Variants in RP1L1 observed in about 807,000 individuals in gnomAD.
The protein encoded by RP1L1 is RP1 like 1, also known as retinitis pigmentosa 1-like 1 protein.
In RP1L1, 27 loss-of-function variants were observed where a neutral mutation model predicts 15.7. That is an observed-to-expected ratio of 1.72 (90% confidence interval 1.27 to 2.38). The LOEUF (loss-of-function observed/expected upper bound fraction) is 2.38, where lower values mean the gene tolerates loss of function less well. Among genes scored for constraint, RP1L1 ranks in the 30% most tolerant of loss-of-function variants. The pLI, the probability that RP1L1 is intolerant of heterozygous loss-of-function variation, is 0.00. For synonymous variants in RP1L1, 1,813 were observed against 1,276.7 expected (o/e 1.42, Z -8.96); for missense variants, 4,798 against 3,075.9 (o/e 1.56, Z -13.24).
intron 3 of RP1L1, 81 bp from the exon 4 acceptor site, chr8:10,613,427 G>C (rs1797913980): frequency 1.3e-6 from 2 of 1,569,472 alleles, no homozygotes; most frequent in Non-Finnish European, 1.7e-6. Context: ...GAATAAAACA[G>C]TCACGAGCCT....
intron 1 of RP1L1, among the ~76,000 whole-genome samples, chr8:10,650,446 T>C (rs1207291257): frequency 6.6e-6 from 1 of 152,144 alleles, no homozygotes; most frequent in Non-Finnish European, 1.5e-5. Flanking sequence ...TCCACATCTA[T>C]GATAATGAGC....
Position 10,609,573 on chromosome 8 carries a change from T to C in RP1L1, c.4525A>G (p.Ser1509Gly). Residue 1509 changes from serine (S) to glycine (G), a missense_variant, in exon 4 of 4, where the codon AGC becomes GGC. Transcript: ENST00000382483. ...ATGGGGTCGCAGTCCAGAGCCGCGC[T>C]GCAGGCCACCGAAGAGCTCCTCTCT... ...AAERSSSVAC[S>G]AALDCDPIWV... The C allele has an allele frequency of 6.2e-7, 1 of 1,603,838 alleles. No individual in the cohort carries two copies. The highest frequency in any genetic ancestry group is 1.3e-5 in the African/African-American group (1 of 74,996).
chr8:10,620,056 GA>G (rs914330113), intron 2 of RP1L1, among the ~76,000 whole-genome samples: 19 of 151,200 alleles, frequency 1.3e-4, no homozygotes, highest in African/African-American at 3.9e-4. Context: ...AATGGCAACT[GA>G]AACATAGTGC....
chr8:10,617,185 C>A (rs1193189716), intron 2 of RP1L1, among the ~76,000 whole-genome samples: 1 of 152,022 alleles, frequency 6.6e-6, no homozygotes, highest in Non-Finnish European at 1.5e-5. Context: ...GTCCCCTATG[C>A]ACTCCTGGGC....
At chr8:10,638,324 A>G (rs764784839) in intron 1 of RP1L1, among the ~76,000 whole-genome samples, 1 of 152,202 alleles carries the variant, frequency 6.6e-6, no homozygotes, top group Non-Finnish European at 1.5e-5. Flanking sequence ...TAAAAGTACA[A>G]ACGGAAGCAT....
rs777915917 is a variant in RP1L1 at position 10,610,781 on chromosome 8, G to T, written c.3317C>A (p.Pro1106His). The change falls in exon 4 of 4, where the codon CCC (proline) becomes CAC (histidine). Residue 1106 changes from proline to histidine, a missense_variant. Physicochemically the swap from Pro to His is moderately conservative, Grantham distance 77. Coordinates refer to ENST00000382483, the MANE Select transcript of RP1L1 (RefSeq NM_178857.6). ...RPSSVPEVSRPMARRLSCSAG... is the reference protein window; with the variant it reads ...RPSSVPEVSRHMARRLSCSAG... Reference sequence around the variant, plus strand: ...TGAGCAGCTGAGCCTCCTGGCCATGGGCCTAGACACTTCGGGCACGCTGCT... The same window carrying T: ...TGAGCAGCTGAGCCTCCTGGCCATGTGCCTAGACACTTCGGGCACGCTGCT... 4 of 1,612,566 alleles carry T rather than the reference G, an allele frequency of 2.5e-6. No individual in the cohort carries two copies. Among genetic ancestry groups the T allele is most frequent in the Non-Finnish European group, 3.4e-6 (4 of 1,179,442 alleles).
In RP1L1 at chr8:10,613,252, G is replaced by A. The variant is rs747729751; in HGVS notation, c.846C>T (p.Asn282=). ...TGCCAGGAGCAGGGCCCACCGGGGG[G>A]TTGCTAGGACCAGGCCTTTCTGGCA... ...PRLPERPGPS[N]PPVGPAPGRH... Residue 282 remains asparagine, a synonymous_variant, in exon 4 of 4, where the codon AAC becomes AAT. Coordinates refer to ENST00000382483, the MANE Select transcript of RP1L1 (RefSeq NM_178857.6). The A allele has an allele frequency of 2.5e-5, 40 of 1,611,326 alleles. No individual in the cohort carries two copies. Among genetic ancestry groups the A allele is most frequent in the Non-Finnish European group, 3.2e-5 (38 of 1,180,022 alleles).
chr8:10,636,410 C>G (rs1239869579), intron 1 of RP1L1, among the ~76,000 whole-genome samples: 1 of 152,222 alleles, frequency 6.6e-6, no homozygotes, highest in Non-Finnish European at 1.5e-5. Context: ...ATCAACCTCT[C>G]TGAGCCAGTC....
rs768294537 is a variant in RP1L1, at chr8:10,611,958, G to A, written c.2140C>T (p.Gln714Ter). ...GGAGGTCTCAGGTTCCCAGAGGCCT[G>A]TGTCCTGGTGCTCGATGAGCTTCCA... Reference protein sequence around the residue: ...YSGSSSSTRTQASGNLRPPSS... With the variant: ...YSGSSSSTRT The change falls in exon 4 of 4, where the codon CAG (glutamine) becomes TAG (stop). Residue 714 changes from glutamine (Q) to a stop codon, truncating the protein, a stop_gained. Coordinates refer to ENST00000382483, the MANE Select transcript of RP1L1 (RefSeq NM_178857.6). LOFTEE classifies it low-confidence loss of function (END_TRUNC). 8 of 1,613,776 alleles carry A rather than the reference G, an allele frequency of 5.0e-6. No homozygotes were observed. Among genetic ancestry groups the A allele is most frequent in the Admixed American group, 1.7e-5 (1 of 60,016 alleles).
intron 1 of RP1L1, among the ~76,000 whole-genome samples, chr8:10,630,004 T>G (rs1047473542): frequency 2.6e-5 from 4 of 152,218 alleles, no homozygotes; most frequent in African/African-American, 9.7e-5. Flanking sequence ...CTGTTTTGCC[T>G]TTAACATGCC....
At chr8:10,632,004 C>T (rs1168948689) in intron 1 of RP1L1, among the ~76,000 whole-genome samples, 1 of 152,202 alleles carries the variant, frequency 6.6e-6, no homozygotes, top group Non-Finnish European at 1.5e-5. Flanking sequence ...ATGTTTTTGT[C>T]ATTTTGTCAT....
rs1242217734 is a variant in RP1L1 at position 10,608,420 on chromosome 8, G to A, written c.5678C>T (p.Pro1893Leu). Residue 1893 changes from proline to leucine, a missense_variant, in exon 4 of 4, where the codon CCA becomes CTA. Transcript: ENST00000382483. ...AQPESEDVET[P>L]EAEWEVQPES... ...TGGCTGGACCTCCCATTCTGCCTCT[G>A]GGGTCTCTACATCTTCTGACTCTGG... The A allele has an allele frequency of 6.3e-7, 1 of 1,597,296 alleles. No individual in the cohort carries two copies. The highest frequency in any genetic ancestry group is 1.4e-5 in the African/African-American group (1 of 71,332).
rs772998871 is a variant in RP1L1, at chr8:10,610,885, G to A, written c.3213C>T (p.Ser1071=). Residue 1071 remains serine, a synonymous_variant, in exon 4 of 4, where the codon AGC becomes AGT. Coordinates refer to ENST00000382483, the MANE Select transcript of RP1L1 (RefSeq NM_178857.6). ...DREAPAGCRV[S]LRALPGRVSA... ...ACACCCGGCCAGGAAGTGCCCGCAG[G>A]CTCACCCTGCAGCCTGCTGGGGCCT... The A allele has an allele frequency of 5.6e-6, 9 of 1,610,080 alleles. No homozygotes were observed. The highest frequency in any genetic ancestry group is 3.3e-5 in the Admixed American group (2 of 59,806).
intron 2 of RP1L1, among the ~76,000 whole-genome samples, chr8:10,620,160 G>T (rs186543478): frequency 6.6e-6 from 1 of 152,290 alleles, no homozygotes; most frequent in African/African-American, 2.4e-5. Context: ...CAGTTTTGGT[G>T]TCTGCAAGCT....
chr8:10,633,752 G>C (rs908864971), intron 1 of RP1L1, among the ~76,000 whole-genome samples: 1 of 152,184 alleles, frequency 6.6e-6, no homozygotes, highest in Non-Finnish European at 1.5e-5. Context: ...GACTACACGA[G>C]CTTCAGTAAC....
Position 10,610,414 on chromosome 8 carries a change from T to G in RP1L1, c.3684A>C (p.Thr1228=). The G allele has an allele frequency of 6.2e-7, 1 of 1,613,986 alleles. No individual in the cohort carries two copies. The highest frequency in any genetic ancestry group is 2.2e-5 in the East Asian group (1 of 44,866). ...AMDGTLVTQG[T]ELPLKTSNQR... ...GGTTGGAGGTTTTCAGGGGCAGCTC[T>G]GTCCCCTGTGTCACCAGGGTGCCGT... Residue 1228 remains threonine, a synonymous_variant, in exon 4 of 4, where the codon ACA becomes ACC. Transcript: ENST00000382483.
Position 10,609,927 on chromosome 8 carries a change from C to G in RP1L1, c.4171G>C (p.Glu1391Gln), listed in dbSNP as rs1797798359. ...AGTCCTTCCTCTTTGAGACCCTCTT[C>G]AAGAGCCTCTCCTTGCAGTCCTCCT... ...PEGGLQGEALEEGLKEEGLPE... is the reference protein window; with the variant it reads ...PEGGLQGEALQEGLKEEGLPE... The change falls in exon 4 of 4, where the codon GAA (glutamate) becomes CAA (glutamine). Residue 1391 changes from glutamate to glutamine, a missense_variant. Transcript: ENST00000382483. The G allele has an allele frequency of 1.2e-6, 2 of 1,613,842 alleles. No individual in the cohort carries two copies. The highest frequency in any genetic ancestry group is 1.7e-6 in the Non-Finnish European group (2 of 1,180,016).
intron 1 of RP1L1, among the ~76,000 whole-genome samples, chr8:10,625,255 G>A (rs1798138449): frequency 1.3e-5 from 2 of 152,150 alleles, no homozygotes; most frequent in African/African-American, 2.4e-5. Flanking sequence ...CACCCTACCT[G>A]CACCAAGCAA....
chr8:10,621,858 T>G (rs1798065215), intron 2 of RP1L1: 5 of 444,554 alleles, frequency 1.1e-5, no homozygotes, highest in South Asian at 7.9e-5. Context: ...TTCCTGCACA[T>G]GCTGGGAGCC....
Sources: gnomAD v4.1 joint callset for allele counts (sites outside exome capture counted in the v4.1 genomes callset) on GRCh38, gnomAD v4.1.1 for gene constraint, MANE v1.5 for transcripts, NCBI Gene and HGNC (gene_info 2026-07-23, HGNC 2026-07-21) for gene names.